The following EYS variants were observed in gnomAD, a reference collection of about 807,000 sequenced individuals.
The protein encoded by EYS is protein eyes shut homolog.
Under a neutral mutation model 282.1 loss-of-function variants are expected in EYS, and 250 were observed. The observed-to-expected ratio is 0.89, with a 90% confidence interval of 0.80 to 0.98. EYS has a LOEUF of 0.98. EYS is among the 50% of genes least tolerant of loss of function. The probability of loss-of-function intolerance (pLI) is 0.00; values close to 1 mark genes in which losing one functional copy is unlikely to be tolerated. For missense variants in EYS, 4,016 were observed against 3,709.0 expected, an observed-to-expected ratio of 1.08 and a Z score of -2.15; for synonymous variants, 1,355 against 1,282.9, an observed-to-expected ratio of 1.06 and a Z score of -1.20.
intron 22 of EYS, among the ~76,000 whole-genome samples, chr6:64,721,148 G>T (rs1328922146): frequency 6.6e-6 from 1 of 152,078 alleles, no homozygotes; most frequent in South Asian, 2.1e-4. Flanking sequence ...AACAACAAAG[G>T]CTAACACAAA....
chr6:64,708,563 A>G (rs1474237294), intron 22 of EYS, among the ~76,000 whole-genome samples: 1 of 152,144 alleles, frequency 6.6e-6, no homozygotes, highest in African/African-American at 2.4e-5. Flanking sequence ...ATTCTGGACA[A>G]TCTTCACAAG....
intron 12 of EYS, among the ~76,000 whole-genome samples, chr6:65,165,005 A>T (rs1764938885): frequency 6.6e-6 from 1 of 151,364 alleles, no homozygotes; most frequent in Non-Finnish European, 1.5e-5. Context: ...CCAAATTCTT[A>T]GGCAATGGGG....
intron 35 of EYS, among the ~76,000 whole-genome samples, chr6:63,887,314 G>GT (rs35622877): frequency 0.11 from 13,258 of 119,998 alleles, 1,119 homozygotes; most frequent in African/African-American, 0.19. Context: ...AATAAAAGGT[G>GT]TTTTTTTTTT....
chr6:65,528,634 G>C (rs550722406), intron 2 of EYS, among the ~76,000 whole-genome samples: 1 of 152,142 alleles, frequency 6.6e-6, no homozygotes, highest in South Asian at 2.1e-4. Flanking sequence ...TCTTGATATT[G>C]AACTTCTCTG....
chr6:64,482,592 C>T (rs1776465977), intron 26 of EYS, among the ~76,000 whole-genome samples: 1 of 151,572 alleles, frequency 6.6e-6, no homozygotes. Flanking sequence ...AAATAGCTTA[C>T]AATGTTGTAT....
intron 29 of EYS, among the ~76,000 whole-genome samples, chr6:64,344,691 C>T (rs1157199778): frequency 6.6e-6 from 1 of 152,046 alleles, no homozygotes; most frequent in East Asian, 1.9e-4. Flanking sequence ...GTTGGAAGTT[C>T]TGGCCAGGGC....
At chr6:64,740,889 A>G (rs1009712187) in intron 22 of EYS, among the ~76,000 whole-genome samples, 1 of 151,626 alleles carries the variant, frequency 6.6e-6, no homozygotes. Flanking sequence ...AATTTTTTGT[A>G]TTTTTAGTAG....
chr6:64,931,985 A>G (rs1218705489), intron 15 of EYS, among the ~76,000 whole-genome samples: 1 of 152,126 alleles, frequency 6.6e-6, no homozygotes, highest in Admixed American at 6.6e-5. Flanking sequence ...AGTCAAACAT[A>G]CACTCTTCCA....
chr6:65,576,611 T>A (rs906195195), intron 2 of EYS, among the ~76,000 whole-genome samples: 3 of 151,872 alleles, frequency 2.0e-5, no homozygotes, highest in African/African-American at 7.2e-5. Context: ...ATAAAATGCA[T>A]CCTCTTTAGA....
intron 26 of EYS, among the ~76,000 whole-genome samples, chr6:64,451,018 G>A (rs1775314460): frequency 6.6e-6 from 1 of 152,110 alleles, no homozygotes; most frequent in Admixed American, 6.6e-5. Context: ...GAGCAGAACT[G>A]AAGGAAATAG....
At chr6:64,484,615 A>AT (rs1163006454) in intron 26 of EYS, among the ~76,000 whole-genome samples, 1 of 151,670 alleles carries the variant, frequency 6.6e-6, no homozygotes, top group Non-Finnish European at 1.5e-5. Flanking sequence ...TGTGAGTAGC[A>AT]TAACATTTGT....
intron 35 of EYS, among the ~76,000 whole-genome samples, chr6:63,950,363 C>T (rs533973828): frequency 6.6e-6 from 1 of 152,156 alleles, no homozygotes; most frequent in South Asian, 2.1e-4. Context: ...TCTCCTGGCT[C>T]AGAAGCTCCC....
intron 22 of EYS, among the ~76,000 whole-genome samples, chr6:64,758,819 TA>T: frequency 6.6e-6 from 1 of 152,236 alleles, no homozygotes; most frequent in Non-Finnish European, 1.5e-5. Flanking sequence ...GGAGAAAAGA[TA>T]AAACTCTATC....
chr6:65,149,963 A>G (rs1403642662), intron 12 of EYS, among the ~76,000 whole-genome samples: 1 of 152,126 alleles, frequency 6.6e-6, no homozygotes, highest in Non-Finnish European at 1.5e-5. Context: ...TTCCCAAAGC[A>G]GCAGGAGAGA....
At chr6:64,361,846 T>C (rs1277169793) in intron 29 of EYS, among the ~76,000 whole-genome samples, 1 of 151,832 alleles carries the variant, frequency 6.6e-6, no homozygotes, top group Non-Finnish European at 1.5e-5. Context: ...TAAATGTAAG[T>C]TGGATGTGTA....
chr6:65,353,588 A>G lies in EYS; in HGVS notation c.1329T>C (p.Asn443=), dbSNP rs1562116791. ...KYVCIPGCTK[N]PCWFLKNVYL... is the part of the protein sequence containing the mutation. ...AAACATTCTTCAAAAACCAACATGGATTTTTTGTGCACCCTGGAATGCATA... is the reference window on the plus strand; with the variant it reads ...AAACATTCTTCAAAAACCAACATGGGTTTTTTGTGCACCCTGGAATGCATA... Residue 443 remains asparagine, a synonymous_variant, in exon 9 of 43, where the codon AAT becomes AAC. Coordinates refer to ENST00000503581, the MANE Select transcript of EYS (RefSeq NM_001142800.2). The G allele has an allele frequency of 1.2e-6, 2 of 1,612,968 alleles. No individual in the cohort carries two copies. The highest frequency in any genetic ancestry group is 1.7e-6 in the Non-Finnish European group (2 of 1,179,238).
At chr6:63,782,633 TTC>T (rs1231384918) in intron 39 of EYS, among the ~76,000 whole-genome samples, 2 of 152,194 alleles carry the variant, frequency 1.3e-5, no homozygotes, top group Non-Finnish European at 2.9e-5. Context: ...TATTTGATTC[TTC>T]TCTCTTTTCT....
intron 35 of EYS, among the ~76,000 whole-genome samples, chr6:63,912,649 C>A (rs1375718747): frequency 6.6e-6 from 1 of 151,980 alleles, no homozygotes; most frequent in Admixed American, 6.6e-5. Flanking sequence ...TGGAGGGGGG[C>A]CTGGTGGAGG....
At chr6:63,815,468 T>C (rs1370179122) in intron 36 of EYS, among the ~76,000 whole-genome samples, 6 of 152,192 alleles carry the variant, frequency 3.9e-5, no homozygotes, top group Non-Finnish European at 8.8e-5. Context: ...TATTAAAATA[T>C]TACATTATTA....
Sources: gnomAD v4.1 joint callset for allele counts (sites outside exome capture counted in the v4.1 genomes callset) on GRCh38, gnomAD v4.1.1 for gene constraint, MANE v1.5 for transcripts, NCBI Gene and HGNC (gene_info 2026-07-23, HGNC 2026-07-21) for gene names.